PARPBP: variants seen among roughly 807,000 people sequenced by gnomAD.
PARPBP encodes PARP1 binding protein, also known as PCNA-interacting partner.
A neutral mutation model predicts 50.0 loss-of-function variants in PARPBP; 52 were observed. The observed-to-expected ratio is 1.04, with a 90% CI of 0.83 to 1.31. PARPBP has a LOEUF of 1.31. Ranked by LOEUF, PARPBP falls within the 50% of genes most tolerant of loss-of-function variation. The pLI is 0.00. For missense variants in PARPBP, 697 were observed against 672.0 expected (o/e 1.04, Z -0.41); for synonymous variants, 244 against 232.1 (o/e 1.05, Z -0.47).
chr12:102,175,667 G>A lies in PARPBP; in HGVS notation c.1005+1G>A, dbSNP rs750004520. 1 of 1,559,820 alleles carries A rather than the reference G, an allele frequency of 6.4e-7. No individual in the cohort carries two copies. The highest frequency in any genetic ancestry group is 8.7e-7 in the Non-Finnish European group (1 of 1,149,170). On this transcript the variant is annotated splice_donor_variant, in intron 7 of 10. Coordinates refer to ENST00000327680, the MANE Select transcript of PARPBP (RefSeq NM_017915.5). LOFTEE classifies it high-confidence loss of function. ...CACCACTGACATCAGTCCTGCTCGGGTAATGAGCTTTTTATTTTTCATTAT... is the reference window on the plus strand; with the variant it reads ...CACCACTGACATCAGTCCTGCTCGGATAATGAGCTTTTTATTTTTCATTAT...
At chr12:102,188,160 T>C (rs1293516858) in intron 9 of PARPBP, among the ~76,000 whole-genome samples, 9 of 152,160 alleles carry the variant, frequency 5.9e-5, no homozygotes, top group Admixed American at 4.6e-4. Flanking sequence ...ACACATACTC[T>C]GAATTTTGTA....
At chr12:102,149,830 G>A (rs1885947778) in intron 3 of PARPBP, among the ~76,000 whole-genome samples, 1 of 152,158 alleles carries the variant, frequency 6.6e-6, no homozygotes, top group African/African-American at 2.4e-5. Flanking sequence ...TACTTGTAAA[G>A]ATAGCTTTTT....
chr12:102,150,244 G>A (rs1335221943), intron 3 of PARPBP: 1 of 455,372 alleles, frequency 2.2e-6, no homozygotes, highest in Admixed American at 2.4e-5. Flanking sequence ...CTTAATCTCT[G>A]ATACTATTGT....
chr12:102,150,155 A>C (rs1885995116), intron 3 of PARPBP: 1 of 438,744 alleles, frequency 2.3e-6, no homozygotes, highest in Admixed American at 2.5e-5. Flanking sequence ...TCGTGTCATC[A>C]GGAGTAAAAT....
intron 2 of PARPBP, among the ~76,000 whole-genome samples, chr12:102,147,906 T>C (rs1249254697): frequency 1.3e-5 from 2 of 152,060 alleles, no homozygotes; most frequent in Non-Finnish European, 2.9e-5. Flanking sequence ...TTAAGTATAG[T>C]TTACTGCCCA....
At chr12:102,144,755 C>G (rs1486712192) in intron 2 of PARPBP, among the ~76,000 whole-genome samples, 1 of 152,080 alleles carries the variant, frequency 6.6e-6, no homozygotes, top group East Asian at 1.9e-4. Context: ...TTTTAAAACT[C>G]TAAATAACTG....
chr12:102,195,592 GTTAAATC>G, intron 10 of PARPBP, 145 bp downstream of exon 10: 1 of 626,258 alleles, frequency 1.6e-6, no homozygotes, highest in Non-Finnish European at 2.7e-6. Context: ...TATTTAAAAA[GTTAAATC>G]TAAGTACAAA....
At chr12:102,151,301 A>G (rs530239446) in intron 3 of PARPBP, among the ~76,000 whole-genome samples, 2 of 152,296 alleles carry the variant, frequency 1.3e-5, no homozygotes, top group South Asian at 2.1e-4. Context: ...GTGCTTCATG[A>G]TGCTGGGCTC....
chr12:102,128,591 A>G (rs2137253504), intron 2 of PARPBP, among the ~76,000 whole-genome samples: 1 of 152,272 alleles, frequency 6.6e-6, no homozygotes, highest in East Asian at 1.9e-4. Context: ...TTGTCTTTCT[A>G]TGCCTGTCTT....
At position 102,196,985 on chromosome 12, in the gene PARPBP, T is replaced by A; in HGVS notation, c.*694T>A. 6.2e-7 allele frequency: 1 copy of A among 1,610,734 alleles called. No homozygotes were observed. Among genetic ancestry groups the A allele is most frequent in the Non-Finnish European group, 8.5e-7 (1 of 1,177,612 alleles). On this transcript the variant is annotated 3_prime_UTR_variant, in exon 11 of 11. Coordinates refer to ENST00000327680, the MANE Select transcript of PARPBP (RefSeq NM_017915.5). Reference sequence around the variant, plus strand: ...AAAGACTACTCACTGTCAAAATCTCTCCTTCCTATAGGAAATTTAGCTGAG... The same window carrying A: ...AAAGACTACTCACTGTCAAAATCTCACCTTCCTATAGGAAATTTAGCTGAG...
intron 3 of PARPBP, chr12:102,150,218 C>T (rs745306253): frequency 5.5e-5 from 25 of 454,336 alleles, no homozygotes; most frequent in African/African-American, 8.0e-5. Flanking sequence ...GCATTTTAAC[C>T]GTGGAAGATC....
At chr12:102,182,179 C>G (rs1188877492) in intron 8 of PARPBP, among the ~76,000 whole-genome samples, 1 of 152,136 alleles carries the variant, frequency 6.6e-6, no homozygotes, top group Non-Finnish European at 1.5e-5. Flanking sequence ...ACAATATTCT[C>G]TCATGATTCT....
At chr12:102,129,570 CT>C (rs1316463319) in intron 2 of PARPBP, among the ~76,000 whole-genome samples, 1 of 152,052 alleles carries the variant, frequency 6.6e-6, no homozygotes, top group African/African-American at 2.4e-5. Flanking sequence ...TTTTCTAGGA[CT>C]TTTGCAGTTT....
intron 3 of PARPBP, chr12:102,152,101 C>T (rs1886282798): frequency 3.2e-6 from 1 of 314,108 alleles, no homozygotes. Context: ...ATCCCTTGCT[C>T]TGCTGCTTCC....
intron 2 of PARPBP, among the ~76,000 whole-genome samples, chr12:102,142,299 C>T (rs986637927): frequency 6.6e-6 from 1 of 152,024 alleles, no homozygotes; most frequent in African/African-American, 2.4e-5. Flanking sequence ...CTTGTGCATG[C>T]ATCTCATAGT....
intron 6 of PARPBP, among the ~76,000 whole-genome samples, chr12:102,173,793 C>T (rs1210892925): frequency 6.6e-6 from 1 of 150,982 alleles, no homozygotes; most frequent in Non-Finnish European, 1.5e-5. Flanking sequence ...TGATATCCTG[C>T]TTGCTTACTA....
intron 9 of PARPBP, among the ~76,000 whole-genome samples, chr12:102,183,616 G>A (rs1452440371): frequency 6.6e-6 from 1 of 152,054 alleles, no homozygotes; most frequent in African/African-American, 2.4e-5. Flanking sequence ...TTGCAATCAA[G>A]GGATAAGATT....
chr12:102,175,434 A>G, intron 6 of PARPBP, 49 bp from the exon 7 acceptor site: 1 of 1,210,298 alleles, frequency 8.3e-7, no homozygotes, highest in Non-Finnish European at 1.2e-6. Flanking sequence ...CTATAAGCAT[A>G]TTATAATTTG....
chr12:102,152,293 G>T (rs892282015), intron 3 of PARPBP, among the ~76,000 whole-genome samples: 1 of 152,212 alleles, frequency 6.6e-6, no homozygotes, highest in African/African-American at 2.4e-5. Context: ...AGAGACAGGT[G>T]TAAAGATTTA....
Sources: allele counts gnomAD v4.1 joint callset (sites outside exome capture counted in the v4.1 genomes callset), GRCh38; gene constraint gnomAD v4.1.1; transcripts MANE v1.5; gene names NCBI Gene and HGNC (gene_info 2026-07-23, HGNC 2026-07-21).